Variants in ST6GALNAC3 observed in about 807,000 individuals in gnomAD.
The protein encoded by ST6GALNAC3 is ST6 N-acetylgalactosaminide alpha-2,6-sialyltransferase 3.
Under a neutral mutation model 32.7 loss-of-function variants are expected in ST6GALNAC3, and 25 were observed. That is an observed-to-expected ratio of 0.76 (90% CI 0.56 to 1.07). The LOEUF is 1.07. ST6GALNAC3 is among the 50% of genes least tolerant of loss of function. The pLI is 0.00. For synonymous variants in ST6GALNAC3, 129 were observed against 133.1 expected (o/e 0.97, Z 0.21); for missense variants, 355 against 382.4 (o/e 0.93, Z 0.60).
chr1:76,565,852 A>G (rs1482363026), intron 3 of ST6GALNAC3, among the ~76,000 whole-genome samples: 1 of 152,236 alleles, frequency 6.6e-6, no homozygotes, highest in African/African-American at 2.4e-5. Context: ...GTGAGCACAA[A>G]GAAATTCAGG....
chr1:76,507,581 T>G (rs1015133528), intron 3 of ST6GALNAC3, among the ~76,000 whole-genome samples: 4 of 152,224 alleles, frequency 2.6e-5, no homozygotes, highest in African/African-American at 4.8e-5. Flanking sequence ...AAGGTTCGTC[T>G]GTATTGTAGC....
chr1:76,396,076 G>A (rs4576695), intron 2 of ST6GALNAC3, among the ~76,000 whole-genome samples: 2 of 152,190 alleles, frequency 1.3e-5, no homozygotes, highest in Admixed American at 1.3e-4. Flanking sequence ...TCACATGGAT[G>A]CCATAACTAT....
At chr1:76,601,819 A>T (rs1015779640) in intron 3 of ST6GALNAC3, among the ~76,000 whole-genome samples, 1 of 152,216 alleles carries the variant, frequency 6.6e-6, no homozygotes, top group Admixed American at 6.5e-5. Flanking sequence ...AGACTAGCAC[A>T]GGCAGTGCTG....
At chr1:76,449,569 A>G (rs573060364) in intron 3 of ST6GALNAC3, among the ~76,000 whole-genome samples, 1 of 152,304 alleles carries the variant, frequency 6.6e-6, no homozygotes, top group South Asian at 2.1e-4. Flanking sequence ...CCTCACCAGC[A>G]TTTGATGTTG....
chr1:76,345,251 A>G (rs1173732015), intron 2 of ST6GALNAC3, among the ~76,000 whole-genome samples: 1 of 152,144 alleles, frequency 6.6e-6, no homozygotes, highest in Non-Finnish European at 1.5e-5. Flanking sequence ...AAAGCTGTTG[A>G]CTAACTTCAA....
At chr1:76,187,423 G>A (rs1030321160) in intron 1 of ST6GALNAC3, among the ~76,000 whole-genome samples, 2 of 152,130 alleles carry the variant, frequency 1.3e-5, no homozygotes, top group African/African-American at 4.8e-5. Context: ...CAGTAAGTTT[G>A]TACCCTCCAG....
intron 1 of ST6GALNAC3, among the ~76,000 whole-genome samples, chr1:76,304,135 C>T (rs1318794755): frequency 6.6e-6 from 1 of 151,890 alleles, no homozygotes; most frequent in African/African-American, 2.4e-5. Flanking sequence ...TAGAAAAAAT[C>T]ATTTAATCCC....
rs1051642532 is a variant in ST6GALNAC3 at position 76,187,844 on chromosome 1, C to T, written c.18+112960C>T. On this transcript the variant is annotated intron_variant, in intron 1 of 4. Coordinates refer to ENST00000328299, the MANE Select transcript of ST6GALNAC3 (RefSeq NM_152996.4). The stretch of plus-strand genomic sequence containing the variant: ...TGGCAATGTCCATGTAGCTAACTTC[C>T]GGTCACCATGTCCGTCCCAGGATTG... Among the ~76,000 whole-genome samples the T allele has an allele frequency of 4.6e-5, 7 of 152,148 alleles. No homozygotes were observed. In the East Asian group the frequency reaches 5.8e-4, roughly 13 times the overall value.
intron 1 of ST6GALNAC3, among the ~76,000 whole-genome samples, chr1:76,196,414 T>C (rs1482083955): frequency 6.6e-6 from 1 of 152,024 alleles, no homozygotes; most frequent in Non-Finnish European, 1.5e-5. Flanking sequence ...ATGAATACTA[T>C]AAATATCAAT....
rs192516360 is a variant in ST6GALNAC3, at chr1:76,228,890, C to T, written c.19-84915C>T. On this transcript the variant is annotated intron_variant, in intron 1 of 4. Transcript: ENST00000328299. ...GAAGGTCATGCCAGTCAGGACCCTG[C>T]GCATTGATGGTCATCTTCAGGTGAT... Among the ~76,000 whole-genome samples the T allele has an allele frequency of 4.6e-5, 7 of 152,232 alleles. No individual in the cohort carries two copies. The East Asian group carries it at 9.7e-4, about 21-fold the overall frequency.
At chr1:76,270,327 TG>T (rs528225645) in intron 1 of ST6GALNAC3, among the ~76,000 whole-genome samples, 41 of 151,768 alleles carry the variant, frequency 2.7e-4, no homozygotes, top group African/African-American at 9.9e-4. Flanking sequence ...GCCAACATGG[TG>T]AAATCCCGAC....
At chr1:76,244,769 A>T (rs989961644) in intron 1 of ST6GALNAC3, among the ~76,000 whole-genome samples, 1 of 152,194 alleles carries the variant, frequency 6.6e-6, no homozygotes, top group African/African-American at 2.4e-5. Context: ...ATGTTGAACC[A>T]TCCTTGTATT....
chr1:76,314,184 AC>A (rs1458964784), intron 2 of ST6GALNAC3, among the ~76,000 whole-genome samples, 185 bp downstream of exon 2: 3 of 151,886 alleles, frequency 2.0e-5, no homozygotes, highest in Non-Finnish European at 4.4e-5. Context: ...TAAATCTGCC[AC>A]CCCTCCTACA....
chr1:76,251,872 A>G (rs1420540674), intron 1 of ST6GALNAC3, among the ~76,000 whole-genome samples: 2 of 152,098 alleles, frequency 1.3e-5, no homozygotes, highest in African/African-American at 4.8e-5. Flanking sequence ...CACCTTGCTT[A>G]GTGCCTCACT....
At chr1:76,376,891 A>T (rs1197782887) in intron 2 of ST6GALNAC3, among the ~76,000 whole-genome samples, 1 of 152,062 alleles carries the variant, frequency 6.6e-6, no homozygotes, top group African/African-American at 2.4e-5. Flanking sequence ...AGTGATTTTG[A>T]GTCTATCATT....
intron 1 of ST6GALNAC3, among the ~76,000 whole-genome samples, chr1:76,199,238 G>A (rs541158357): frequency 6.3e-4 from 96 of 152,260 alleles, no homozygotes; most frequent in African/African-American, 2.3e-3. Flanking sequence ...CCAAATAGAA[G>A]CTCTGCATCA....
chr1:76,390,704 A>G (rs1652467121), intron 2 of ST6GALNAC3, among the ~76,000 whole-genome samples: 1 of 152,112 alleles, frequency 6.6e-6, no homozygotes, highest in Non-Finnish European at 1.5e-5. Context: ...TCTCAGTGCC[A>G]GGAGTTTGTG....
intron 3 of ST6GALNAC3, among the ~76,000 whole-genome samples, chr1:76,439,055 A>T (rs2101492326): frequency 6.6e-6 from 1 of 152,282 alleles, no homozygotes; most frequent in South Asian, 2.1e-4. Flanking sequence ...TTCTTCTTTG[A>T]AATAAGGACT....
At chr1:76,556,474 A>G (rs1018274842) in intron 3 of ST6GALNAC3, among the ~76,000 whole-genome samples, 1 of 152,114 alleles carries the variant, frequency 6.6e-6, no homozygotes, top group African/African-American at 2.4e-5. Context: ...TTTTTAGAGT[A>G]GCTGTACCAG....
Sources: gnomAD v4.1 joint callset for allele counts (sites outside exome capture counted in the v4.1 genomes callset) on GRCh38, gnomAD v4.1.1 for gene constraint, MANE v1.5 for transcripts, NCBI Gene and HGNC (gene_info 2026-07-23, HGNC 2026-07-21) for gene names.